CTNND2: variants seen among roughly 807,000 people sequenced by gnomAD.
CTNND2 encodes catenin delta-2.
A neutral mutation model predicts 144.4 loss-of-function variants in CTNND2; 22 were observed. That is an observed-to-expected ratio of 0.15 (90% confidence interval 0.11 to 0.22). CTNND2 has a LOEUF of 0.22. Among genes scored for constraint, CTNND2 ranks in the 10% least tolerant of loss-of-function variants. The pLI, the probability that CTNND2 is intolerant of heterozygous loss-of-function variation, is 1.00. For missense variants in CTNND2, 1,353 were observed against 1,618.8 expected (o/e 0.84, Z 2.82); for synonymous variants, 751 against 695.6 (o/e 1.08, Z -1.25).
At chr5:11,188,761 G>A (rs1580534292) in intron 11 of CTNND2, among the ~76,000 whole-genome samples, 1 of 152,160 alleles carries the variant, frequency 6.6e-6, no homozygotes, top group Admixed American at 6.5e-5. Context: ...TGGCTAGAAG[G>A]GTTTCTGAAG....
In CTNND2 at chr5:11,763,657, A is replaced by C. The variant is rs1399911240; in HGVS notation, c.38-31385T>G. On this transcript the variant is annotated intron_variant, in intron 1 of 21. Coordinates refer to ENST00000304623, the MANE Select transcript of CTNND2 (RefSeq NM_001332.4). The stretch of plus-strand genomic sequence containing the variant: ...CCCTGAATGCTACTTTAAACATTTC[A>C]TATTAGCAAATTCACTGACACAATT... Among the ~76,000 whole-genome samples the C allele has an allele frequency of 2.0e-5, 3 of 152,244 alleles. No homozygotes were observed. The East Asian group carries it at 5.8e-4, about 29-fold the overall frequency.
At chr5:11,758,829 G>A (rs1298465587) in intron 1 of CTNND2, among the ~76,000 whole-genome samples, 3 of 151,938 alleles carry the variant, frequency 2.0e-5, no homozygotes, top group East Asian at 3.9e-4. Flanking sequence ...CTCCCCTCAT[G>A]GCAGTAGACT....
At chr5:11,424,046 A>AC (rs561353991) in intron 3 of CTNND2, among the ~76,000 whole-genome samples, 155 of 152,290 alleles carry the variant, frequency 1.0e-3, no homozygotes, top group Non-Finnish European at 1.9e-3. Flanking sequence ...TGGCCTTTTG[A>AC]CCATCTGAGT....
intron 1 of CTNND2, among the ~76,000 whole-genome samples, chr5:11,863,929 A>G (rs975826804): frequency 1.3e-5 from 2 of 152,326 alleles, no homozygotes; most frequent in African/African-American, 4.8e-5. Flanking sequence ...TAGGACTAAG[A>G]GCTCCTGATG....
intron 16 of CTNND2, among the ~76,000 whole-genome samples, chr5:11,031,931 T>C (rs892508996): frequency 6.6e-6 from 1 of 152,252 alleles, no homozygotes; most frequent in African/African-American, 2.4e-5. Context: ...TTTGAGACTT[T>C]TGGTGTCAGA....
chr5:11,843,033 A>G (rs947574071), intron 1 of CTNND2, among the ~76,000 whole-genome samples: 1 of 152,220 alleles, frequency 6.6e-6, no homozygotes, highest in Admixed American at 6.5e-5. Flanking sequence ...CCCTGCTTTA[A>G]TATTGCTTCA....
chr5:11,772,547 G>A (rs896776754), intron 1 of CTNND2, among the ~76,000 whole-genome samples: 2 of 152,200 alleles, frequency 1.3e-5, no homozygotes, highest in African/African-American at 4.8e-5. Flanking sequence ...TCAAACAGGT[G>A]TGTGAGCTCT....
At chr5:11,175,199 A>C (rs1473401656) in intron 11 of CTNND2, among the ~76,000 whole-genome samples, 4 of 152,110 alleles carry the variant, frequency 2.6e-5, no homozygotes, top group African/African-American at 9.7e-5. Flanking sequence ...ATTATAATTA[A>C]TCTTTATCAA....
At position 11,337,330 on chromosome 5, in the gene CTNND2, G is replaced by A. The variant is rs1753829792; in HGVS notation, c.1628+9042C>T. 2.0e-5 allele frequency among the ~76,000 whole-genome samples: 3 copies of A among 152,116 alleles called. No individual in the cohort carries two copies. The South Asian group carries it at 6.2e-4, about 32-fold the overall frequency. ...TTGGTTCTCAGCTGACTTCCAAGAG[G>A]TGCCATTTTTAATATTCACTCTCCT... On this transcript the variant is annotated intron_variant, in intron 9 of 21. Coordinates refer to ENST00000304623, the MANE Select transcript of CTNND2 (RefSeq NM_001332.4).
At chr5:10,999,138 T>G (rs1739659373) in intron 18 of CTNND2, among the ~76,000 whole-genome samples, 1 of 152,216 alleles carries the variant, frequency 6.6e-6, no homozygotes, top group African/African-American at 2.4e-5. Context: ...ATGTTTCACT[T>G]TTTAAATAAG....
chr5:11,271,259 C>A (rs2149977362), intron 9 of CTNND2, among the ~76,000 whole-genome samples: 1 of 152,260 alleles, frequency 6.6e-6, no homozygotes. Context: ...ACTAATGGAT[C>A]ACAACCTGTA....
At chr5:11,324,379 T>C (rs759868559) in intron 9 of CTNND2, among the ~76,000 whole-genome samples, 39 of 152,202 alleles carry the variant, frequency 2.6e-4, no homozygotes, top group Non-Finnish European at 4.9e-4. Flanking sequence ...GCTTTGCATA[T>C]CATTCTCTAA....
At chr5:11,544,278 T>C (rs10038931) in intron 3 of CTNND2, among the ~76,000 whole-genome samples, 2,824 of 151,862 alleles carry the variant, frequency 0.019, 86 homozygotes, top group African/African-American at 0.065. Context: ...TAAGAAAAAA[T>C]TGAACTTCTA....
rs146873554 is a variant in CTNND2 at position 11,640,396 on chromosome 5, A to T, written c.175-75340T>A. Among the ~76,000 whole-genome samples, 10 of 152,346 alleles carry T rather than the reference A, an allele frequency of 6.6e-5. No homozygotes were observed. The South Asian group carries it at 1.4e-3, about 22-fold the overall frequency. On this transcript the variant is annotated intron_variant, in intron 2 of 21. Transcript: ENST00000304623. ...TGGACAGCTTTGCAAAACTGTGAAC[A>T]TTTCCTTAGCAATTAAGAATTCCCT...
intron 3 of CTNND2, among the ~76,000 whole-genome samples, chr5:11,440,808 C>T (rs1764194249): frequency 6.6e-6 from 1 of 152,102 alleles, no homozygotes; most frequent in South Asian, 2.1e-4. Flanking sequence ...TAAAATTTAA[C>T]TTTCAGATGG....
At chr5:11,039,187 TCAA>T (rs1315403947) in intron 16 of CTNND2, among the ~76,000 whole-genome samples, 7 of 152,314 alleles carry the variant, frequency 4.6e-5, no homozygotes, top group Admixed American at 1.3e-4. Context: ...GACTCCCCAA[TCAA>T]CATCATCTCT....
chr5:11,201,974 C>T (rs1737491789), intron 10 of CTNND2, among the ~76,000 whole-genome samples: 1 of 151,968 alleles, frequency 6.6e-6, no homozygotes, highest in Admixed American at 6.5e-5. Flanking sequence ...TCCACGTGTA[C>T]AAAAAAGGTT....
At chr5:11,861,557 A>C (rs1795505746) in intron 1 of CTNND2, among the ~76,000 whole-genome samples, 1 of 152,192 alleles carries the variant, frequency 6.6e-6, no homozygotes. Flanking sequence ...CCATTGTCCA[A>C]ACCGATGTCA....
intron 2 of CTNND2, among the ~76,000 whole-genome samples, chr5:11,683,194 T>C (rs1238576117): frequency 3.9e-5 from 6 of 152,216 alleles, no homozygotes; most frequent in Admixed American, 3.3e-4. Flanking sequence ...AGACATGTAA[T>C]GGAGACTCAA....
Sources: allele counts gnomAD v4.1 joint callset (sites outside exome capture counted in the v4.1 genomes callset), GRCh38; gene constraint gnomAD v4.1.1; transcripts MANE v1.5; gene names NCBI Gene and HGNC (gene_info 2026-07-23, HGNC 2026-07-21).